ASB1: variants seen among roughly 807,000 people sequenced by gnomAD.
ASB1 encodes ankyrin repeat and SOCS box protein 1.
A neutral mutation model predicts 27.7 loss-of-function variants in ASB1; 18 were observed. The ratio of observed to expected loss-of-function variants is 0.65; its 90% CI spans 0.45 to 0.96. The LOEUF is 0.96. Among genes scored for constraint, ASB1 ranks in the 50% least tolerant of loss-of-function variants. The pLI, the probability that ASB1 is intolerant of heterozygous loss-of-function variation, is 0.00. For synonymous variants in ASB1, 189 were observed against 187.6 expected, an observed-to-expected ratio of 1.01 and a Z score of -0.06; for missense variants, 397 against 451.7, an observed-to-expected ratio of 0.88 and a Z score of 1.10.
chr2:238,439,237 G>A (rs1702032656), intron 3 of ASB1, among the ~76,000 whole-genome samples: 1 of 152,198 alleles, frequency 6.6e-6, no homozygotes, highest in South Asian at 2.1e-4. Context: ...AGTGGGTGGT[G>A]TTTGTGTTTG....
In ASB1 at chr2:238,446,446, C is replaced by A. The variant is rs1415505385; in HGVS notation, c.943C>A (p.Arg315=). The change falls in exon 5 of 5, where the codon CGG becomes AGG. Residue 315 remains arginine, a synonymous_variant. Transcript: ENST00000264607. ...VAVRRALGKH[R]LHLIPSLPLP... ...TGTGAGAAGAGCTCTTGGCAAACAC[C>A]GGCTTCATCTGATTCCTTCGCTGCC... The A allele has an allele frequency of 3.1e-6, 5 of 1,613,996 alleles. No homozygotes were observed. Among genetic ancestry groups the A allele is most frequent in the Non-Finnish European group, 4.2e-6 (5 of 1,179,934 alleles).
At chr2:238,427,408 T>C (rs996514956) in intron 1 of ASB1, 4 of 330,550 alleles carry the variant, frequency 1.2e-5, no homozygotes, top group Admixed American at 4.9e-5. Flanking sequence ...GATACAGATT[T>C]GATATGACCC....
At position 238,433,596 on chromosome 2, in the gene ASB1, A is replaced by G. The variant is rs1264221997; in HGVS notation, c.92A>G (p.His31Arg). The change falls in exon 2 of 5, where the codon CAT becomes CGT. Residue 31 changes from histidine to arginine, a missense_variant. Physicochemically the swap from His to Arg is conservative, Grantham distance 29. Transcript: ENST00000264607. ...TGGCTGAGGGAGCAATTTTGTGATC[A>G]TCCGCTGGAGCACTGTGAGGACACG... ...KEWLREQFCD[H>R]PLEHCEDTRL... 1 of 1,614,054 alleles carries G rather than the reference A, an allele frequency of 6.2e-7. No individual in the cohort carries two copies. Among genetic ancestry groups the G allele is most frequent in the African/African-American group, 1.3e-5 (1 of 74,932 alleles).
intron 3 of ASB1, among the ~76,000 whole-genome samples, chr2:238,438,338 T>C (rs1030216541): frequency 6.6e-6 from 1 of 151,722 alleles, no homozygotes; most frequent in Non-Finnish European, 1.5e-5. Flanking sequence ...TAGCTGGGAC[T>C]ACAGGCACCC....
At chr2:238,436,753 T>A (rs515412) in intron 3 of ASB1, among the ~76,000 whole-genome samples, 72,098 of 149,568 alleles carry the variant, frequency 0.48, 18,716 homozygotes, top group Middle Eastern at 0.64. Context: ...TTATACTTTG[T>A]TAGGTTAGCA....
chr2:238,444,280 G>T, intron 3 of ASB1, 62 bp from the exon 4 acceptor site: 1 of 1,533,364 alleles, frequency 6.5e-7, no homozygotes, highest in Non-Finnish European at 8.8e-7. Context: ...TGTTGGATCT[G>T]TGGGATCTGT....
intron 1 of ASB1, among the ~76,000 whole-genome samples, chr2:238,430,679 G>A (rs972719599): frequency 3.9e-5 from 6 of 152,224 alleles, no homozygotes; most frequent in Admixed American, 2.0e-4. Flanking sequence ...GGCAGCGATA[G>A]CCTGACAAAA....
At chr2:238,431,530 C>T (rs918398135) in intron 1 of ASB1, among the ~76,000 whole-genome samples, 7 of 152,192 alleles carry the variant, frequency 4.6e-5, no homozygotes, top group Non-Finnish European at 1.0e-4. Context: ...GCTCTTTTTC[C>T]TTTGCATTCA....
At chr2:238,442,038 T>C (rs1702087621) in intron 3 of ASB1, among the ~76,000 whole-genome samples, 1 of 152,170 alleles carries the variant, frequency 6.6e-6, no homozygotes, top group Non-Finnish European at 1.5e-5. Flanking sequence ...CTCAGAATAG[T>C]TTTAATTTGC....
intron 1 of ASB1, among the ~76,000 whole-genome samples, chr2:238,429,358 CT>C (rs1701823883): frequency 6.6e-6 from 1 of 152,122 alleles, no homozygotes; most frequent in South Asian, 2.1e-4. Flanking sequence ...TTACAAAACT[CT>C]TAAATCTTCA....
At chr2:238,429,046 G>A (rs1339153404) in intron 1 of ASB1, among the ~76,000 whole-genome samples, 1 of 152,166 alleles carries the variant, frequency 6.6e-6, no homozygotes, top group Non-Finnish European at 1.5e-5. Flanking sequence ...GTTGATCTGC[G>A]GCGAGTCTGG....
rs371947128 is a variant in ASB1 at position 238,446,453 on chromosome 2, A to T, written c.950A>T (p.His317Leu). 1 of 1,614,012 alleles carries T rather than the reference A, an allele frequency of 6.2e-7. No homozygotes were observed. The highest frequency in any genetic ancestry group is 8.5e-7 in the Non-Finnish European group (1 of 1,180,006). ...AGAGCTCTTGGCAAACACCGGCTTC[A>T]TCTGATTCCTTCGCTGCCTCTGCCA... is the stretch of plus-strand genomic sequence containing the variant. ...VRRALGKHRLHLIPSLPLPDP... is the reference protein window; with the variant it reads ...VRRALGKHRLLLIPSLPLPDP... Residue 317 changes from histidine (H) to leucine (L), a missense_variant, in exon 5 of 5, where the codon CAT becomes CTT. By Grantham distance (99) the His-to-Leu change is moderately conservative (BLOSUM62 -3). Transcript: ENST00000264607.
chr2:238,444,600 C>G lies in ASB1; in HGVS notation c.753C>G (p.Ala251=), dbSNP rs769313344. The G allele has an allele frequency of 3.7e-6, 6 of 1,614,052 alleles. No individual in the cohort carries two copies. In the East Asian group the frequency reaches 1.3e-4, roughly 36 times the overall value. The change falls in exon 4 of 5, where the codon GCC becomes GCG. Residue 251 remains alanine, a synonymous_variant. Transcript: ENST00000264607. The stretch of plus-strand genomic sequence containing the variant: ...TTCTGCGCCACGGCTGTGAGGCAGC[C>G]TTCGTGAGCCTGCTGGTAGAATTTG... ...DAVLRHGCEA[A]FVSLLVEFGA... is the part of the protein sequence containing the mutation.
chr2:238,431,175 C>G (rs888435326), intron 1 of ASB1, among the ~76,000 whole-genome samples: 2 of 152,214 alleles, frequency 1.3e-5, no homozygotes, highest in Non-Finnish European at 2.9e-5. Flanking sequence ...CCACCTTCAT[C>G]AATTATCTTA....
chr2:238,442,987 C>A (rs866820011), intron 3 of ASB1, among the ~76,000 whole-genome samples: 1 of 152,132 alleles, frequency 6.6e-6, no homozygotes, highest in Non-Finnish European at 1.5e-5. Flanking sequence ...CCCACCACCC[C>A]CTTCTTGCTT....
Position 238,448,654 on chromosome 2 carries a change from G to A in ASB1, c.*2143G>A, listed in dbSNP as rs903706282. On this transcript the variant is annotated 3_prime_UTR_variant, in exon 5 of 5. Coordinates refer to ENST00000264607, the MANE Select transcript of ASB1 (RefSeq NM_001040445.3). ...TCCCCAGCCCTGCCCGGTGCAGGAGGTGGCTCAGTTATTGAACCTTTTGGG... is the reference window on the plus strand; with the variant it reads ...TCCCCAGCCCTGCCCGGTGCAGGAGATGGCTCAGTTATTGAACCTTTTGGG... 6.6e-6 allele frequency: 1 copy of A among 152,498 alleles called. No homozygotes were observed. Among genetic ancestry groups the A allele is most frequent in the Non-Finnish European group, 1.5e-5 (1 of 68,264 alleles). 9.4% of individuals were successfully genotyped at this position (152,498 alleles called of 1,614,324 possible).
intron 4 of ASB1, among the ~76,000 whole-genome samples, chr2:238,445,468 A>C (rs147435957): frequency 5.9e-5 from 9 of 152,278 alleles, no homozygotes; most frequent in African/African-American, 2.2e-4. Context: ...GATAAGCCTA[A>C]ATTTTGTAAC....
In ASB1 at chr2:238,446,836, AC is replaced by A. The variant is rs1702190709; in HGVS notation, c.*326del. ...GCCTACTAATTTCCCTGTAGGGAAGACTCCCAGCACTTCTGGAACTGTGCTT... is the reference window on the plus strand; with the variant it reads ...GCCTACTAATTTCCCTGTAGGGAAGATCCCAGCACTTCTGGAACTGTGCTT... On this transcript the variant is annotated 3_prime_UTR_variant, in exon 5 of 5. Transcript: ENST00000264607. 3.9e-6 allele frequency: 1 copy of A among 257,342 alleles called. No homozygotes were observed. Among genetic ancestry groups the A allele is most frequent in the South Asian group, 5.4e-5 (1 of 18,640 alleles). 15.9% of individuals were successfully genotyped at this position (257,342 alleles called of 1,614,324 possible).
At chr2:238,445,062 G>C (rs1702153099) in intron 4 of ASB1, among the ~76,000 whole-genome samples, 1 of 146,812 alleles carries the variant, frequency 6.8e-6, no homozygotes, top group African/African-American at 2.5e-5. Context: ...GCTCCCTGTA[G>C]CCATGACCTC....
Sources: allele counts gnomAD v4.1 joint callset (sites outside exome capture counted in the v4.1 genomes callset), GRCh38; gene constraint gnomAD v4.1.1; transcripts MANE v1.5; gene names NCBI Gene and HGNC (gene_info 2026-07-23, HGNC 2026-07-21).